The following SYBU variants were observed in gnomAD, a reference collection of about 807,000 sequenced individuals.
SYBU encodes the protein syntabulin.
SYBU carries 21 observed loss-of-function variants against 35.9 expected under a neutral mutation model. The ratio of observed to expected loss-of-function variants is 0.58; its 90% confidence interval spans 0.41 to 0.84. SYBU has a LOEUF of 0.84. Ranked by LOEUF, SYBU falls within the 40% of genes least tolerant of loss-of-function variation. The probability of loss-of-function intolerance (pLI) is 0.00; values close to 1 mark genes in which losing one functional copy is unlikely to be tolerated. For synonymous variants in SYBU, 319 were observed against 324.3 expected (o/e 0.98, Z 0.18); for missense variants, 768 against 848.2 (o/e 0.91, Z 1.17).
chr8:109,603,160 C>T (rs759518158), intron 3 of SYBU, among the ~76,000 whole-genome samples: 11 of 152,224 alleles, frequency 7.2e-5, no homozygotes, highest in Admixed American at 2.0e-4. Context: ...GGGCGGAAGC[C>T]GACAAGAGGC....
chr8:109,631,360 C>A (rs1369636021), intron 2 of SYBU, among the ~76,000 whole-genome samples: 1 of 152,148 alleles, frequency 6.6e-6, no homozygotes, highest in African/African-American at 2.4e-5. Context: ...TTACTGAGTG[C>A]CTTCCTTGTT....
rs746305905 is a variant in SYBU at position 109,691,226 on chromosome 8, G to A, written c.-58+107C>T. ...TCCCGCATTGGAAAGGGTGGTCCTG[G>A]GGTCCGGAGCGCCCCATCACTGCCC... On this transcript the variant is annotated intron_variant, in intron 1 of 7. Coordinates refer to the SYBU transcript ENST00000422135. This position sits in a 1 kb window ranked among gnomAD's most constrained non-coding sequence, Gnocchi z 4.7. 5 of 668,380 alleles carry A rather than the reference G, an allele frequency of 7.5e-6. No individual in the cohort carries two copies. The highest frequency in any genetic ancestry group is 1.4e-5 in the Non-Finnish European group (5 of 368,246). 41.4% of individuals were successfully genotyped at this position (668,380 alleles called of 1,614,324 possible).
chr8:109,602,386 A>T (rs1342949083), intron 3 of SYBU, among the ~76,000 whole-genome samples: 1 of 151,124 alleles, frequency 6.6e-6, no homozygotes, highest in African/African-American at 2.4e-5. Flanking sequence ...ATAAGAATGG[A>T]TTGAGGTACT....
chr8:109,645,093 C>CTT (rs113779271), upstream of SYBU: 474 of 401,156 alleles, frequency 1.2e-3, 2 homozygotes, highest in African/African-American at 7.8e-3. Flanking sequence ...ACCCCACCCT[C>CTT]TTTTTTTTTT....
chr8:109,643,462 T>G (rs552367666), intron 1 of SYBU: 1 of 153,102 alleles, frequency 6.5e-6, no homozygotes, highest in East Asian at 1.9e-4. Flanking sequence ...TCCCTCCTCT[T>G]CTGGACAGGA....
At chr8:109,669,623 G>A (rs1487482994) in intron 1 of SYBU, among the ~76,000 whole-genome samples, 1 of 152,160 alleles carries the variant, frequency 6.6e-6, no homozygotes, top group Non-Finnish European at 1.5e-5. Context: ...GCTTCTTTGG[G>A]TTGATTCTTT....
At chr8:109,621,998 C>T (rs1032848746) in intron 2 of SYBU, among the ~76,000 whole-genome samples, 1 of 152,186 alleles carries the variant, frequency 6.6e-6, no homozygotes, top group Non-Finnish European at 1.5e-5. Flanking sequence ...AGGGCTCCTT[C>T]TCTGCTCTCC....
At chr8:109,618,523 T>A (rs541913426) in intron 3 of SYBU, among the ~76,000 whole-genome samples, 9 of 152,376 alleles carry the variant, frequency 5.9e-5, no homozygotes, top group Admixed American at 4.6e-4. Context: ...TTGCTTAGTA[T>A]AATTGAATCT....
upstream of SYBU, among the ~76,000 whole-genome samples, chr8:109,682,755 C>T (rs1817430047): frequency 6.6e-6 from 1 of 152,172 alleles, no homozygotes; most frequent in Non-Finnish European, 1.5e-5. Flanking sequence ...ATCTTTGCAG[C>T]AGTCCCTCCC....
At chr8:109,581,647 C>T (rs1823044255) in intron 4 of SYBU, among the ~76,000 whole-genome samples, 1 of 152,176 alleles carries the variant, frequency 6.6e-6, no homozygotes, top group African/African-American at 2.4e-5. Flanking sequence ...TGCTTTCTGA[C>T]AAACCTTTCT....
chr8:109,691,569 C>T lies in SYBU; in HGVS notation c.-294G>A. ...GGTGCCCTCGGCCCCTCGGCCTCTG[C>T]AGCCAGCCGGGCGGCTGCTGGGGCT... On this transcript the variant is annotated 5_prime_UTR_variant, in exon 1 of 8. Transcript: ENST00000422135. This position sits in a 1 kb window ranked among gnomAD's most constrained non-coding sequence, Gnocchi z 4.7. 2 of 441,302 alleles carry T rather than the reference C, an allele frequency of 4.5e-6. No homozygotes were observed. The highest frequency in any genetic ancestry group is 7.9e-6 in the Non-Finnish European group (2 of 252,602). The allele number at this position is 441,302 out of a possible 1,614,324, so 27.3% of individuals were successfully genotyped here.
chr8:109,680,888 G>C (rs767676184), exon 1 of SYBU: 5 of 152,146 alleles, frequency 3.3e-5, no homozygotes, highest in Non-Finnish European at 7.3e-5. Flanking sequence ...TACTGCTTCC[G>C]GGCACCTCCC....
At chr8:109,682,408 A>T (rs755724737), upstream of SYBU, among the ~76,000 whole-genome samples, 5 of 152,150 alleles carry the variant, frequency 3.3e-5, no homozygotes, top group African/African-American at 1.2e-4. Context: ...TCAGATGGAG[A>T]TGAGGAACTT....
At chr8:109,670,643 A>T (rs978248548) in intron 1 of SYBU, among the ~76,000 whole-genome samples, 2 of 152,120 alleles carry the variant, frequency 1.3e-5, no homozygotes, top group Non-Finnish European at 2.9e-5. Context: ...ATGGTCATTC[A>T]CTTCTATAAT....
At chr8:109,646,438 A>G (rs1030602836), upstream of SYBU, 1 of 152,198 alleles carries the variant, frequency 6.6e-6, no homozygotes, top group Non-Finnish European at 1.5e-5. Context: ...TCCAAAAGAG[A>G]GCTTCCTCCA....
intron 3 of SYBU, among the ~76,000 whole-genome samples, chr8:109,592,479 G>A (rs1306171136): frequency 6.6e-6 from 1 of 152,146 alleles, no homozygotes; most frequent in Non-Finnish European, 1.5e-5. Context: ...ATCTTTGCAG[G>A]GCCCAGTCTC....
chr8:109,653,889 G>C (rs186255262), intron 1 of SYBU, among the ~76,000 whole-genome samples: 3 of 151,856 alleles, frequency 2.0e-5, no homozygotes, highest in Non-Finnish European at 4.4e-5. Flanking sequence ...AGAAAAATTC[G>C]TTTACCTGAA....
intron 3 of SYBU, among the ~76,000 whole-genome samples, chr8:109,594,486 A>G (rs966966593): frequency 6.6e-6 from 1 of 152,098 alleles, no homozygotes; most frequent in South Asian, 2.1e-4. Context: ...AAGACATCCA[A>G]TGGGGCCCTA....
intron 3 of SYBU, among the ~76,000 whole-genome samples, chr8:109,610,626 G>A (rs1469815233): frequency 6.6e-6 from 1 of 152,210 alleles, no homozygotes; most frequent in Non-Finnish European, 1.5e-5. Flanking sequence ...GGTGGTGGAA[G>A]AAATTAACCC....
Sources: gnomAD v4.1 joint callset for allele counts (sites outside exome capture counted in the v4.1 genomes callset) on GRCh38, gnomAD v4.1.1 for gene constraint, Gnocchi (gnomAD v3.1) non-coding constraint, MANE v1.5 for transcripts, NCBI Gene and HGNC (gene_info 2026-07-23, HGNC 2026-07-21) for gene names.